EBF4: variants seen among roughly 807,000 people sequenced by gnomAD.
EBF4 encodes transcription factor COE4.
In EBF4, 34 loss-of-function variants were observed where a neutral mutation model predicts 67.1. The observed-to-expected ratio is 0.51, with a 90% CI of 0.39 to 0.67. The LOEUF is 0.67. Ranked by LOEUF, EBF4 falls within the 30% of genes least tolerant of loss-of-function variation. The pLI is 0.00. For missense variants in EBF4, 837 were observed against 873.3 expected (o/e 0.96, Z 0.52); for synonymous variants, 387 against 377.7 (o/e 1.02, Z -0.29).
At chr20:2,752,247 C>T in exon 13 of EBF4, 3 of 1,291,092 alleles carry the variant, frequency 2.3e-6, no homozygotes, top group Non-Finnish European at 2.0e-6. Context: ...GGGACGCCAC[C>T]CCGGGGCCCG....
intron 6 of EBF4, among the ~76,000 whole-genome samples, chr20:2,727,312 T>C (rs946590649): frequency 4.6e-5 from 7 of 152,174 alleles, no homozygotes; most frequent in Non-Finnish European, 8.8e-5. Flanking sequence ...TCTGAGATCT[T>C]ACTCCTTTCC....
chr20:2,709,450 G>A, intron 5 of EBF4, 124 bp from the exon 6 acceptor site: 1 of 863,764 alleles, frequency 1.2e-6, no homozygotes, highest in Non-Finnish European at 1.7e-6. Flanking sequence ...CCAGCCCAGG[G>A]ATTCCACACC....
intron 1 of EBF4, among the ~76,000 whole-genome samples, chr20:2,704,238 A>C (rs1337645865): frequency 2.0e-5 from 3 of 151,996 alleles, no homozygotes; most frequent in African/African-American, 7.2e-5. Flanking sequence ...TGGCTTCCAC[A>C]CATGCAGAGC....
chr20:2,739,933 G>A lies in EBF4; in HGVS notation c.558-8616G>A, dbSNP rs1326336901. ...TGTTTGGAACATCCTGCCCCAGCTC[G>A]TATATCCATTCACTGCATACCTTCT... On this transcript the variant is annotated intron_variant, in intron 6 of 16. Coordinates refer to ENST00000609451, the Ensembl canonical transcript of EBF4. The surrounding 1 kb of genome is among the most constrained non-coding windows in gnomAD (Gnocchi z 4.5). Among the ~76,000 whole-genome samples the A allele has an allele frequency of 1.3e-5, 2 of 152,170 alleles. No homozygotes were observed. Among genetic ancestry groups the A allele is most frequent in the East Asian group, 1.9e-4 (1 of 5,196 alleles).
intron 6 of EBF4, among the ~76,000 whole-genome samples, chr20:2,717,813 CT>C (rs796712582): frequency 2.1e-3 from 295 of 140,538 alleles, no homozygotes; most frequent in South Asian, 3.2e-3. Context: ...AGTGGGCATT[CT>C]TTTTTTTTTT....
chr20:2,752,426 G>A, exon 14 of EBF4: 1 of 1,297,782 alleles, frequency 7.7e-7, no homozygotes, highest in Non-Finnish European at 9.8e-7. Context: ...CAGCAGAGCG[G>A]CTACGGCGGC....
chr20:2,713,914 A>C (rs2087574984), intron 6 of EBF4, among the ~76,000 whole-genome samples: 1 of 152,166 alleles, frequency 6.6e-6, no homozygotes, highest in South Asian at 2.1e-4. Context: ...AGATCGTTGG[A>C]GAAAAGATGC....
chr20:2,713,832 A>G (rs2087574043), intron 6 of EBF4, among the ~76,000 whole-genome samples: 1 of 152,156 alleles, frequency 6.6e-6, no homozygotes, highest in Non-Finnish European at 1.5e-5. Context: ...TGTTAGGTGG[A>G]TGGAGAATGG....
chr20:2,752,622 C>G, intron 14 of EBF4, 77 bp downstream of exon 14: 2 of 1,160,658 alleles, frequency 1.7e-6, no homozygotes, highest in South Asian at 8.6e-5. Context: ...CCGCCCATCC[C>G]GGAGAGGTTG....
At position 2,755,623 on chromosome 20, in the gene EBF4, G is replaced by A. The variant is rs1385394912; in HGVS notation, c.1541-4G>A. On this transcript the variant is annotated splice_polypyrimidine_tract_variant and splice_region_variant and intron_variant, in intron 14 of 16. Transcript: ENST00000609451. The surrounding 1 kb of genome is among the most constrained non-coding windows in gnomAD (Gnocchi z 4.7). The stretch of plus-strand genomic sequence containing the variant: ...CGCCTGCCCCTCCCCGCCCCGCCCC[G>A]GAGTCATGCCCTCTAGCCCCCCGCT... 2.7e-5 allele frequency: 13 copies of A among 487,784 alleles called. No individual in the cohort carries two copies. The highest frequency in any genetic ancestry group is 3.3e-5 in the Non-Finnish European group (10 of 307,164). 30.2% of individuals were successfully genotyped at this position (487,784 alleles called of 1,614,324 possible). A position where few individuals can be genotyped will look rare whatever the true frequency, so the allele number is the denominator to read the frequency against.
chr20:2,741,148 C>T (rs962877002), intron 6 of EBF4, among the ~76,000 whole-genome samples: 9 of 152,006 alleles, frequency 5.9e-5, no homozygotes, highest in Non-Finnish European at 1.3e-4. Flanking sequence ...TCCGTCTCTA[C>T]AAAAAATAAA....
At chr20:2,748,466 A>G in intron 6 of EBF4, 83 bp from the exon 7 acceptor site, 1 of 1,321,710 alleles carries the variant, frequency 7.6e-7, no homozygotes, top group South Asian at 1.3e-5. Context: ...TCCTGTGGGG[A>G]GGGGGCATGG....
chr20:2,749,606 C>G lies in EBF4; in HGVS notation c.758-14C>G. On this transcript the variant is annotated splice_polypyrimidine_tract_variant and intron_variant, in intron 8 of 16. Coordinates refer to ENST00000609451, the Ensembl canonical transcript of EBF4. ...AGCGCGGTCCCCTGACCTGGGTCCTCTCCTGCCTCCCAGCTGCCACCCCCT... is the reference window on the plus strand; with the variant it reads ...AGCGCGGTCCCCTGACCTGGGTCCTGTCCTGCCTCCCAGCTGCCACCCCCT... The G allele has an allele frequency of 6.4e-7, 1 of 1,552,468 alleles. No homozygotes were observed. Among genetic ancestry groups the G allele is most frequent in the Non-Finnish European group, 8.7e-7 (1 of 1,148,370 alleles).
In EBF4 at chr20:2,739,484, G is replaced by A. The variant is rs180679068; in HGVS notation, c.558-9065G>A. 6.6e-5 allele frequency among the ~76,000 whole-genome samples: 10 copies of A among 152,274 alleles called. No homozygotes were observed. Among genetic ancestry groups the A allele is most frequent in the Admixed American group, 2.0e-4 (3 of 15,302 alleles). On this transcript the variant is annotated intron_variant, in intron 6 of 16. Coordinates refer to ENST00000609451, the Ensembl canonical transcript of EBF4. The surrounding 1 kb of genome is among the most constrained non-coding windows in gnomAD (Gnocchi z 4.5). Reference sequence around the variant, plus strand: ...ATTACACTTGGCACATCCTCCTGCCGTGCCCACCACTCTGTCTTCCTGAGT... The same window carrying A: ...ATTACACTTGGCACATCCTCCTGCCATGCCCACCACTCTGTCTTCCTGAGT...
At chr20:2,694,030 G>A (rs1233101077) in intron 1 of EBF4, among the ~76,000 whole-genome samples, 2 of 152,316 alleles carry the variant, frequency 1.3e-5, no homozygotes, top group East Asian at 3.9e-4. Flanking sequence ...TCGCGGGTGC[G>A]GCGGTGAACG....
At chr20:2,752,984 G>C (rs1479000335) in intron 14 of EBF4, among the ~76,000 whole-genome samples, 1 of 152,104 alleles carries the variant, frequency 6.6e-6, no homozygotes, top group Non-Finnish European at 1.5e-5. Flanking sequence ...GCTTCCAGCC[G>C]CCCCCCAGCT....
intron 6 of EBF4, among the ~76,000 whole-genome samples, chr20:2,741,636 C>CTAAACCAAGTTCAGGATG (rs2087970017): frequency 6.6e-6 from 1 of 152,126 alleles, no homozygotes; most frequent in Non-Finnish European, 1.5e-5. Flanking sequence ...ATTACGAAGG[C>CTAAACCAAGTTCAGGATG]TAAACCAAGT....
chr20:2,692,804 A>AGCG (rs575394026), upstream of EBF4: 419 of 152,442 alleles, frequency 2.7e-3, 1 homozygote, highest in East Asian at 7.4e-3. The surrounding 1 kb of genome is among the most constrained non-coding windows in gnomAD (Gnocchi z 6.4). Context: ...CTCCCCCGGG[A>AGCG]GCGGCGGCGG....
chr20:2,750,821 A>G (rs968120813), intron 10 of EBF4, among the ~76,000 whole-genome samples: 1 of 152,080 alleles, frequency 6.6e-6, no homozygotes, highest in African/African-American at 2.4e-5. Flanking sequence ...CCGAAACCCG[A>G]GGGCTGAGTG....
Sources: gnomAD v4.1 joint callset for allele counts (sites outside exome capture counted in the v4.1 genomes callset) on GRCh38, gnomAD v4.1.1 for gene constraint, Gnocchi (gnomAD v3.1) non-coding constraint, MANE v1.5 for transcripts, NCBI Gene and HGNC (gene_info 2026-07-23, HGNC 2026-07-21) for gene names.